UGGT2: variants seen among roughly 807,000 people sequenced by gnomAD.
UGGT2 encodes UDP-glucose glycoprotein glucosyltransferase 2.
In UGGT2, 180 loss-of-function variants were observed where a neutral mutation model predicts 192.1. The ratio of observed to expected loss-of-function variants is 0.94; its 90% CI spans 0.83 to 1.06. The LOEUF is 1.06. UGGT2 is among the 50% of genes least tolerant of loss of function. The pLI, the probability that UGGT2 is intolerant of heterozygous loss-of-function variation, is 0.00. For synonymous variants in UGGT2, 580 were observed against 591.0 expected, an observed-to-expected ratio of 0.98 and a Z score of 0.27; for missense variants, 1,849 against 1,795.7, an observed-to-expected ratio of 1.03 and a Z score of -0.54.
At chr13:95,906,544 T>C (rs1283404917) in intron 20 of UGGT2, among the ~76,000 whole-genome samples, 1 of 152,096 alleles carries the variant, frequency 6.6e-6, no homozygotes, top group Non-Finnish European at 1.5e-5. Flanking sequence ...AAAAGAAACA[T>C]AGAAGATACT....
In UGGT2 at chr13:95,879,536, A is replaced by G. The variant is rs567134404; in HGVS notation, c.3229-1680T>C. On this transcript the variant is annotated intron_variant, in intron 27 of 38. Transcript: ENST00000376747. ...CTGCAACATCCGCCTCCCGGGCTTA[A>G]GCGATTCTCCCACCTCAGTCTCCCG... is the stretch of plus-strand genomic sequence containing the variant. Among the ~76,000 whole-genome samples the G allele has an allele frequency of 2.0e-5, 3 of 152,320 alleles. No individual in the cohort carries two copies. The East Asian group carries it at 5.8e-4, about 29-fold the overall frequency.
Position 95,996,129 on chromosome 13 carries a change from G to C in UGGT2, c.764C>G (p.Thr255Ser). The part of the protein sequence containing the change: ...ALDDTQVKTV[T>S]NTTVEDETET... Reference sequence around the variant, plus strand: ...AGTCTCATCCTCTACAGTAGTATTAGTCACAGCTACATTTTGGAAACAAAA... The same window carrying C: ...AGTCTCATCCTCTACAGTAGTATTACTCACAGCTACATTTTGGAAACAAAA... Residue 255 changes from threonine to serine, a missense_variant, in exon 7 of 39, where the codon ACT (threonine) becomes AGT (serine). Physicochemically the swap from Thr to Ser is moderately conservative, Grantham distance 58. Transcript: ENST00000376747. The C allele has an allele frequency of 1.2e-6, 2 of 1,609,668 alleles. No individual in the cohort carries two copies. Among genetic ancestry groups the C allele is most frequent in the Non-Finnish European group, 1.7e-6 (2 of 1,178,666 alleles).
At chr13:95,963,060 G>A (rs2050451867) in intron 12 of UGGT2, among the ~76,000 whole-genome samples, 1 of 152,052 alleles carries the variant, frequency 6.6e-6, no homozygotes, top group African/African-American at 2.4e-5. Flanking sequence ...ACCTCCCACT[G>A]GGTCCCTCCC....
chr13:95,815,573 A>G (rs1260595248), intron 38 of UGGT2, among the ~76,000 whole-genome samples: 1 of 152,344 alleles, frequency 6.6e-6, no homozygotes, highest in Non-Finnish European at 1.5e-5. Context: ...ATAAATCAAG[A>G]AACATATCGT....
At chr13:95,880,911 A>T (rs2140178753) in intron 27 of UGGT2, among the ~76,000 whole-genome samples, 1 of 152,340 alleles carries the variant, frequency 6.6e-6, no homozygotes, top group East Asian at 1.9e-4. Flanking sequence ...GCAGTGGCTC[A>T]CGCCTGTAAT....
At chr13:95,838,994 CT>C (rs1441459047) in intron 36 of UGGT2, among the ~76,000 whole-genome samples, 2 of 152,056 alleles carry the variant, frequency 1.3e-5, no homozygotes, top group Admixed American at 6.6e-5. Flanking sequence ...GTATTCACCC[CT>C]ATATAGTTAT....
At chr13:95,850,681 A>T (rs894429356) in intron 36 of UGGT2, among the ~76,000 whole-genome samples, 2 of 152,186 alleles carry the variant, frequency 1.3e-5, no homozygotes, top group Admixed American at 1.3e-4. Context: ...AGCTTCTAAT[A>T]TAGCACTTAT....
At chr13:96,003,693 T>C (rs1342892705) in intron 5 of UGGT2, among the ~76,000 whole-genome samples, 1 of 152,116 alleles carries the variant, frequency 6.6e-6, no homozygotes, top group Non-Finnish European at 1.5e-5. Context: ...GACAAGAAAC[T>C]CCAGCTATCA....
At chr13:95,840,503 A>T (rs2139940744) in intron 36 of UGGT2, among the ~76,000 whole-genome samples, 1 of 152,334 alleles carries the variant, frequency 6.6e-6, no homozygotes, top group South Asian at 2.1e-4. Context: ...TGGTTTTGAT[A>T]CCATCTCATG....
chr13:95,867,026 A>G (rs1330236733), intron 30 of UGGT2, among the ~76,000 whole-genome samples: 1 of 152,050 alleles, frequency 6.6e-6, no homozygotes, highest in Non-Finnish European at 1.5e-5. Flanking sequence ...CTCTTTTTAG[A>G]GCTAATTTTT....
chr13:95,891,075 G>A (rs2047788458), intron 24 of UGGT2, 111 bp from the exon 25 acceptor site: 2 of 713,592 alleles, frequency 2.8e-6, no homozygotes, highest in South Asian at 4.9e-5. Flanking sequence ...CACTAAAATT[G>A]TAAAATACTG....
At chr13:95,886,276 G>A (rs900177489) in intron 26 of UGGT2, among the ~76,000 whole-genome samples, 2 of 152,158 alleles carry the variant, frequency 1.3e-5, no homozygotes, top group Non-Finnish European at 2.9e-5. Context: ...AAAGGAAAGG[G>A]CTGGGAATAA....
chr13:96,045,569 T>A (rs1263318062), intron 1 of UGGT2, among the ~76,000 whole-genome samples: 1 of 152,088 alleles, frequency 6.6e-6, no homozygotes, highest in Non-Finnish European at 1.5e-5. Context: ...GATGATACGA[T>A]TATATACCTA....
At chr13:95,946,291 A>G (rs970862358) in intron 15 of UGGT2, among the ~76,000 whole-genome samples, 2 of 152,208 alleles carry the variant, frequency 1.3e-5, no homozygotes, top group Admixed American at 6.5e-5. Flanking sequence ...GTTTGCTGTC[A>G]ATAAATGACT....
At chr13:95,924,330 G>A (rs935000137) in intron 20 of UGGT2, among the ~76,000 whole-genome samples, 4 of 142,090 alleles carry the variant, frequency 2.8e-5, no homozygotes, top group Admixed American at 7.2e-5. Flanking sequence ...ACCCAGAACC[G>A]CTTGAGAAGA....
intron 24 of UGGT2, among the ~76,000 whole-genome samples, chr13:95,891,569 A>G (rs914297990): frequency 6.6e-6 from 1 of 152,178 alleles, no homozygotes; most frequent in Non-Finnish European, 1.5e-5. Flanking sequence ...TTAAAAGTAC[A>G]GAACAGGCCA....
chr13:95,899,198 T>C (rs931415749), intron 22 of UGGT2, among the ~76,000 whole-genome samples: 2 of 152,216 alleles, frequency 1.3e-5, no homozygotes, highest in African/African-American at 4.8e-5. Flanking sequence ...TGGCAGCACG[T>C]CAGCCTTACA....
intron 15 of UGGT2, among the ~76,000 whole-genome samples, chr13:95,942,247 T>G (rs1034184103): frequency 6.6e-6 from 1 of 151,070 alleles, no homozygotes; most frequent in African/African-American, 2.4e-5. Flanking sequence ...TGTGTGTGTG[T>G]GTGTGTGTGT....
intron 6 of UGGT2, among the ~76,000 whole-genome samples, chr13:95,997,877 G>C (rs1419473218): frequency 6.6e-6 from 1 of 152,168 alleles, no homozygotes; most frequent in Non-Finnish European, 1.5e-5. Context: ...ACAGTAAAAA[G>C]GCAGTAAGAA....
Sources: allele counts gnomAD v4.1 joint callset (sites outside exome capture counted in the v4.1 genomes callset), GRCh38; gene constraint gnomAD v4.1.1; transcripts MANE v1.5; gene names NCBI Gene and HGNC (gene_info 2026-07-23, HGNC 2026-07-21).